The following PDLIM5 variants were observed in gnomAD, a reference collection of about 807,000 sequenced individuals.
PDLIM5 encodes PDZ and LIM domain 5.
Under a neutral mutation model 64.2 loss-of-function variants are expected in PDLIM5, and 34 were observed. The ratio of observed to expected loss-of-function variants is 0.53; its 90% CI spans 0.40 to 0.71. The LOEUF is 0.71. PDLIM5 is among the 30% of genes least tolerant of loss of function. PDLIM5 has a pLI of 0.00. For missense variants in PDLIM5, 683 were observed against 733.6 expected, an observed-to-expected ratio of 0.93 and a Z score of 0.80; for synonymous variants, 253 against 269.1, an observed-to-expected ratio of 0.94 and a Z score of 0.59.
Position 94,665,208 on chromosome 4 carries a change from G to A in PDLIM5, c.*1141G>A. ...TTAAAGAGAATAAATAGAGGGCCAG[G>A]TGTGGTGGCTCACGCCTGTGATCCC... On this transcript the variant is annotated 3_prime_UTR_variant, in exon 13 of 13. Coordinates refer to ENST00000317968, the MANE Select transcript of PDLIM5 (RefSeq NM_006457.5). 1 of 876,900 alleles carries A rather than the reference G, an allele frequency of 1.1e-6. No individual in the cohort carries two copies. Among genetic ancestry groups the A allele is most frequent in the Non-Finnish European group, 1.4e-6 (1 of 730,376 alleles). 54.3% of individuals were successfully genotyped at this position (876,900 alleles called of 1,614,324 possible). A position where few individuals can be genotyped will look rare whatever the true frequency, so the allele number is the denominator to read the frequency against.
chr4:94,535,985 A>G (rs907985157), intron 3 of PDLIM5, among the ~76,000 whole-genome samples: 2 of 152,066 alleles, frequency 1.3e-5, no homozygotes, highest in African/African-American at 4.8e-5. Context: ...CTACTTTGAT[A>G]TGCAATAATC....
intron 2 of PDLIM5, among the ~76,000 whole-genome samples, chr4:94,511,639 C>T (rs1201263795): frequency 6.6e-6 from 1 of 151,646 alleles, no homozygotes; most frequent in Non-Finnish European, 1.5e-5. Context: ...ACTACATTTC[C>T]CAGCCTCTGG....
chr4:94,488,281 T>C (rs996147476), intron 2 of PDLIM5, among the ~76,000 whole-genome samples: 2 of 152,226 alleles, frequency 1.3e-5, no homozygotes, highest in African/African-American at 4.8e-5. Context: ...TTTTAATGAA[T>C]AGCCAAAGAG....
At chr4:94,594,349 A>G (rs535488888) in intron 7 of PDLIM5, among the ~76,000 whole-genome samples, 4 of 152,266 alleles carry the variant, frequency 2.6e-5, no homozygotes, top group South Asian at 2.1e-4. Context: ...GAGAATAACA[A>G]TTTTAGAAAT....
chr4:94,597,838 A>G (rs1311470284), intron 7 of PDLIM5, among the ~76,000 whole-genome samples: 1 of 152,194 alleles, frequency 6.6e-6, no homozygotes, highest in African/African-American at 2.4e-5. Context: ...TCATCTGGAA[A>G]AAAGTCAAGC....
At chr4:94,649,412 G>A (rs1219721390) in intron 9 of PDLIM5, among the ~76,000 whole-genome samples, 1 of 152,072 alleles carries the variant, frequency 6.6e-6, no homozygotes, top group Non-Finnish European at 1.5e-5. Context: ...GAGTGTTCCT[G>A]GTCACCTATT....
Position 94,629,176 on chromosome 4 carries a change from C to T in PDLIM5, c.1108+10985C>T, listed in dbSNP as rs141198332. The stretch of plus-strand genomic sequence containing the variant: ...CCATCCTGGCTAACATGGTGAAACC[C>T]GATCTCTATTAAAAATACAAAAATA... On this transcript the variant is annotated intron_variant, in intron 8 of 12. Coordinates refer to ENST00000317968, the MANE Select transcript of PDLIM5 (RefSeq NM_006457.5). Among the ~76,000 whole-genome samples, 758 of 152,080 alleles carry T rather than the reference C, an allele frequency of 5.0e-3. 7 individuals carry two copies. Among genetic ancestry groups the T allele is most frequent in the African/African-American group, 0.017 (717 of 41,474 alleles).
chr4:94,608,405 A>C (rs35042107), intron 7 of PDLIM5, among the ~76,000 whole-genome samples: 1 of 152,140 alleles, frequency 6.6e-6, no homozygotes, highest in Non-Finnish European at 1.5e-5. Flanking sequence ...AATCTCTTTC[A>C]TTTATTCACT....
chr4:94,579,499 TAA>T, intron 5 of PDLIM5: 1 of 1,283,550 alleles, frequency 7.8e-7, no homozygotes, highest in South Asian at 1.5e-5. Context: ...AGTAATATTT[TAA>T]AATACTTTTC....
intron 3 of PDLIM5, among the ~76,000 whole-genome samples, chr4:94,530,163 A>C: frequency 6.6e-6 from 1 of 152,316 alleles, no homozygotes; most frequent in Non-Finnish European, 1.5e-5. Flanking sequence ...TTTCTTGACT[A>C]TAAAATGAGG....
At chr4:94,535,441 T>C (rs1346055885) in intron 3 of PDLIM5, among the ~76,000 whole-genome samples, 1 of 152,232 alleles carries the variant, frequency 6.6e-6, no homozygotes, top group Non-Finnish European at 1.5e-5. Context: ...AACTAAGTTC[T>C]ATGCCTTGTC....
intron 2 of PDLIM5, among the ~76,000 whole-genome samples, chr4:94,469,198 A>T (rs1724630524): frequency 6.6e-6 from 1 of 152,236 alleles, no homozygotes; most frequent in African/African-American, 2.4e-5. Flanking sequence ...AAACAAAGTT[A>T]TGTACCTTAT....
intron 3 of PDLIM5, among the ~76,000 whole-genome samples, chr4:94,532,495 C>T (rs974071159): frequency 6.6e-6 from 1 of 152,150 alleles, no homozygotes; most frequent in Non-Finnish European, 1.5e-5. Context: ...TAATCCATCA[C>T]AGGTTCATAT....
At chr4:94,587,825 C>G (rs1736362109) in intron 7 of PDLIM5, 1 of 858,806 alleles carries the variant, frequency 1.2e-6, no homozygotes, top group South Asian at 5.4e-5. Context: ...TAGACAATTT[C>G]TAGGTATTAA....
At chr4:94,455,420 A>G (rs1723246444) in intron 2 of PDLIM5, 36 bp downstream of exon 2, 1 of 1,272,764 alleles carries the variant, frequency 7.9e-7, no homozygotes, top group South Asian at 1.2e-5. Context: ...ATAGATGTTC[A>G]TTCAGTGCTT....
At chr4:94,514,922 A>G (rs1229316921) in intron 2 of PDLIM5, among the ~76,000 whole-genome samples, 1 of 152,220 alleles carries the variant, frequency 6.6e-6, no homozygotes, top group African/African-American at 2.4e-5. Flanking sequence ...TTAAATGTGC[A>G]TACTTTTTAA....
Position 94,459,223 on chromosome 4 carries a change from G to A in PDLIM5, c.96+3839G>A, listed in dbSNP as rs540926609. On this transcript the variant is annotated intron_variant, in intron 2 of 12. Coordinates refer to ENST00000317968, the MANE Select transcript of PDLIM5 (RefSeq NM_006457.5). ...TATCCTAAAGTTGAAATACTCTGCTGTGTGTTACTTTCTCATTATGTTTGG... is the reference window on the plus strand; with the variant it reads ...TATCCTAAAGTTGAAATACTCTGCTATGTGTTACTTTCTCATTATGTTTGG... Among the ~76,000 whole-genome samples the A allele has an allele frequency of 3.3e-5, 5 of 152,334 alleles. No homozygotes were observed. The East Asian group carries it at 9.6e-4, about 29-fold the overall frequency.
rs74719418 is a variant in PDLIM5, at chr4:94,609,752, C to G, written c.921-8252C>G. On this transcript the variant is annotated intron_variant, in intron 7 of 12. Coordinates refer to ENST00000317968, the MANE Select transcript of PDLIM5 (RefSeq NM_006457.5). ...TATATATCGTCTCTAAGGTAAAGCT[C>G]ATTGTATAGAGACTTTTTGGGAAAA... Among the ~76,000 whole-genome samples the G allele has an allele frequency of 7.7e-3, 1,165 of 152,212 alleles. 16 individuals carry two copies. The highest frequency in any genetic ancestry group is 0.026 in the African/African-American group (1,088 of 41,528).
At chr4:94,599,048 C>G (rs1242812169) in intron 7 of PDLIM5, among the ~76,000 whole-genome samples, 3 of 152,120 alleles carry the variant, frequency 2.0e-5, no homozygotes, top group Non-Finnish European at 4.4e-5. Context: ...AGATTATTGA[C>G]TGCCTTGTAG....
Sources: allele counts gnomAD v4.1 joint callset (sites outside exome capture counted in the v4.1 genomes callset), GRCh38; gene constraint gnomAD v4.1.1; transcripts MANE v1.5; gene names NCBI Gene and HGNC (gene_info 2026-07-23, HGNC 2026-07-21).